UNC13C: variants seen among roughly 807,000 people sequenced by gnomAD.
The protein encoded by UNC13C is protein unc-13 homolog C.
UNC13C carries 174 observed loss-of-function variants against 245.4 expected under a neutral mutation model. The observed-to-expected ratio is 0.71, with a 90% CI of 0.63 to 0.80. The LOEUF (loss-of-function observed/expected upper bound fraction) is 0.80, where lower values mean the gene tolerates loss of function less well. UNC13C is among the 30% of genes least tolerant of loss of function. The probability of loss-of-function intolerance (pLI) is 0.00; values close to 1 mark genes in which losing one functional copy is unlikely to be tolerated. For missense variants in UNC13C, 2,829 were observed against 2,602.9 expected, an observed-to-expected ratio of 1.09 and a Z score of -1.89; for synonymous variants, 992 against 895.1, an observed-to-expected ratio of 1.11 and a Z score of -1.93.
At chr15:54,476,508 G>T (rs1892750369) in intron 19 of UNC13C, among the ~76,000 whole-genome samples, 1 of 151,800 alleles carries the variant, frequency 6.6e-6, no homozygotes, top group African/African-American at 2.4e-5. Context: ...AAGGGATCCA[G>T]TTTCAGCTTT....
At chr15:53,879,746 C>T in the UNC13C span, among the ~76,000 whole-genome samples, 249 of 152,218 alleles carry the variant, frequency 1.6e-3, 6 homozygotes, top group East Asian at 0.039. Context: ...CACCACCATG[C>T]CAGCTAATGT....
chr15:54,140,224 A>G (rs12594204), intron 2 of UNC13C, among the ~76,000 whole-genome samples: 2,855 of 152,338 alleles, frequency 0.019, 70 homozygotes, highest in East Asian at 0.093. Context: ...TGTGAAATCT[A>G]CAAATCTGTT....
chr15:54,331,101 CTG>C (rs1260731968), intron 14 of UNC13C, among the ~76,000 whole-genome samples: 1 of 152,076 alleles, frequency 6.6e-6, no homozygotes, highest in East Asian at 1.9e-4. Context: ...TCCACCTCCT[CTG>C]TGAAACTACT....
chr15:54,284,254 A>G (rs1567159602), intron 10 of UNC13C, among the ~76,000 whole-genome samples: 1 of 152,222 alleles, frequency 6.6e-6, no homozygotes, highest in Non-Finnish European at 1.5e-5. Context: ...CTTCAAACAA[A>G]TAGTTTAATT....
the UNC13C span, among the ~76,000 whole-genome samples, chr15:53,888,897 C>G: frequency 6.6e-6 from 1 of 152,090 alleles, no homozygotes; most frequent in Non-Finnish European, 1.5e-5. Flanking sequence ...CTGTTCTGTT[C>G]CATTGGTCTA....
the UNC13C span, among the ~76,000 whole-genome samples, chr15:53,889,994 GGATATTGA>G: frequency 6.6e-6 from 1 of 152,060 alleles, no homozygotes; most frequent in Non-Finnish European, 1.5e-5. Context: ...TGTTCATCAG[GGATATTGA>G]TCTGAAATTT....
chr15:53,865,586 T>C, the UNC13C span, among the ~76,000 whole-genome samples: 2 of 152,282 alleles, frequency 1.3e-5, no homozygotes. Context: ...TTATAGGTGT[T>C]GGGTGTTAGG....
At chr15:54,425,621 A>G (rs1305381083) in intron 19 of UNC13C, among the ~76,000 whole-genome samples, 3 of 151,832 alleles carry the variant, frequency 2.0e-5, no homozygotes, top group Non-Finnish European at 4.4e-5. Context: ...AGTCTAGATC[A>G]GTGGCCTTCA....
intron 17 of UNC13C, among the ~76,000 whole-genome samples, chr15:54,383,698 G>A (rs1432313487): frequency 6.6e-6 from 1 of 151,982 alleles, no homozygotes; most frequent in Non-Finnish European, 1.5e-5. Flanking sequence ...ATAAGTAAAA[G>A]TCACCAAAAT....
intron 17 of UNC13C, among the ~76,000 whole-genome samples, chr15:54,357,210 G>T (rs2039116272): frequency 6.6e-6 from 1 of 151,716 alleles, no homozygotes; most frequent in South Asian, 2.1e-4. Flanking sequence ...TGACTCACCT[G>T]GAATTTATTT....
intron 19 of UNC13C, among the ~76,000 whole-genome samples, chr15:54,441,466 A>G (rs1035566218): frequency 6.6e-6 from 1 of 151,958 alleles, no homozygotes; most frequent in African/African-American, 2.4e-5. Context: ...TTTGGAGGGA[A>G]TCAGTAGGCA....
intron 2 of UNC13C, among the ~76,000 whole-genome samples, chr15:54,053,721 A>C (rs1432002839): frequency 6.6e-6 from 1 of 152,124 alleles, no homozygotes; most frequent in Non-Finnish European, 1.5e-5. Context: ...GCTATCAAAT[A>C]CTAGATCTTA....
At chr15:54,354,928 T>A (rs1401313724) in intron 17 of UNC13C, among the ~76,000 whole-genome samples, 1 of 152,210 alleles carries the variant, frequency 6.6e-6, no homozygotes, top group Admixed American at 6.5e-5. Context: ...CCACAAGGGC[T>A]CTGCCCACAT....
chr15:54,367,759 G>A (rs1223700507), intron 17 of UNC13C, among the ~76,000 whole-genome samples: 3 of 151,980 alleles, frequency 2.0e-5, no homozygotes, highest in African/African-American at 7.2e-5. Flanking sequence ...AGTCAGTTCT[G>A]TCCCACAAAA....
chr15:53,928,296 C>T, the UNC13C span, among the ~76,000 whole-genome samples: 3 of 152,228 alleles, frequency 2.0e-5, no homozygotes, highest in Admixed American at 2.0e-4. Context: ...AAGGGATGGG[C>T]CAAATTAAAG....
At chr15:54,443,455 TTTC>T (rs144741542) in intron 19 of UNC13C, among the ~76,000 whole-genome samples, 4,048 of 152,174 alleles carry the variant, frequency 0.027, 84 homozygotes, top group South Asian at 0.043. Context: ...TCGGATTTGG[TTTC>T]TTCTTGCTTT....
At chr15:54,572,625 C>T (rs139907217) in intron 30 of UNC13C, among the ~76,000 whole-genome samples, 2,391 of 151,832 alleles carry the variant, frequency 0.016, 74 homozygotes, top group African/African-American at 0.054. Flanking sequence ...TGGATTTCAC[C>T]ATGTTGGCCA....
At chr15:54,041,669 T>A (rs7181028) in intron 2 of UNC13C, among the ~76,000 whole-genome samples, 10,871 of 152,264 alleles carry the variant, frequency 0.071, 1,291 homozygotes, top group African/African-American at 0.25. Context: ...CCAAGTTGCT[T>A]ATCTTTTCCT....
rs145056912 is a variant in UNC13C, at chr15:54,109,367, A to C, written c.2984-33651A>C. 6.5e-3 allele frequency among the ~76,000 whole-genome samples: 659 copies of C among 100,870 alleles called. 15 individuals are homozygous for C. The highest frequency in any genetic ancestry group is 0.024 in the African/African-American group (624 of 25,824). 66.2% of individuals were successfully genotyped at this position (100,870 alleles called of 152,430 possible). A position where few individuals can be genotyped will look rare whatever the true frequency, so the allele number is the denominator to read the frequency against. On this transcript the variant is annotated intron_variant, in intron 2 of 32. Transcript: ENST00000260323. ...CTTTCCTTTTTTTTTTTTTTTTGACAGTCTTGCTCTGTCGCCCAGGCTAGA... is the reference window on the plus strand; with the variant it reads ...CTTTCCTTTTTTTTTTTTTTTTGACCGTCTTGCTCTGTCGCCCAGGCTAGA...
Sources: allele counts gnomAD v4.1 joint callset (sites outside exome capture counted in the v4.1 genomes callset), GRCh38; gene constraint gnomAD v4.1.1; transcripts MANE v1.5; gene names NCBI Gene and HGNC (gene_info 2026-07-23, HGNC 2026-07-21).